Variants in WWOX observed in about 807,000 individuals in gnomAD.
WWOX encodes WW domain-containing oxidoreductase.
In WWOX, 69 loss-of-function variants were observed where a neutral mutation model predicts 46.2. The observed-to-expected ratio is 1.49, with a 90% confidence interval of 1.23 to 1.82. WWOX has a LOEUF of 1.82. Among genes scored for constraint, WWOX ranks in the 40% most tolerant of loss-of-function variants. The probability of loss-of-function intolerance (pLI) is 0.00; values close to 1 mark genes in which losing one functional copy is unlikely to be tolerated. For synonymous variants in WWOX, 359 were observed against 202.6 expected, an observed-to-expected ratio of 1.77 and a Z score of -6.56; for missense variants, 919 against 542.6, an observed-to-expected ratio of 1.69 and a Z score of -6.89.
At chr16:78,202,473 T>C (rs1240740645) in intron 5 of WWOX, among the ~76,000 whole-genome samples, 4 of 152,222 alleles carry the variant, frequency 2.6e-5, no homozygotes, top group South Asian at 2.1e-4. Flanking sequence ...TTTTCAAGAA[T>C]TGAATCTCAA....
chr16:79,024,389 G>C (rs1263008014), intron 8 of WWOX, among the ~76,000 whole-genome samples: 2 of 152,108 alleles, frequency 1.3e-5, no homozygotes, highest in Non-Finnish European at 2.9e-5. Context: ...CTCCTCAGTA[G>C]CTGAGACTAC....
intron 8 of WWOX, among the ~76,000 whole-genome samples, chr16:78,445,243 TC>T (rs1318269714): frequency 6.6e-5 from 10 of 152,290 alleles, no homozygotes; most frequent in Admixed American, 6.5e-4. Flanking sequence ...CCCATCTATT[TC>T]CACAAAGGAT....
chr16:78,486,007 G>C (rs908423372), intron 8 of WWOX, among the ~76,000 whole-genome samples: 1 of 152,186 alleles, frequency 6.6e-6, no homozygotes, highest in African/African-American at 2.4e-5. Context: ...GCTGAAAAGA[G>C]TTTGCTAACT....
chr16:78,720,773 C>T (rs1348093408), intron 8 of WWOX, among the ~76,000 whole-genome samples: 1 of 152,082 alleles, frequency 6.6e-6, no homozygotes, highest in Non-Finnish European at 1.5e-5. Context: ...TATTCTCAAA[C>T]TCTATTATAC....
chr16:78,495,253 G>A (rs1349523038), intron 8 of WWOX, among the ~76,000 whole-genome samples: 1 of 150,082 alleles, frequency 6.7e-6, no homozygotes, highest in African/African-American at 2.5e-5. Flanking sequence ...CGATTCTCCT[G>A]CCTCAGCCTT....
chr16:78,318,052 C>G (rs769573449), intron 5 of WWOX, among the ~76,000 whole-genome samples: 1 of 152,108 alleles, frequency 6.6e-6, no homozygotes. Flanking sequence ...ACAAAAGATC[C>G]AGGCGTAGAA....
intron 8 of WWOX, chr16:78,895,815 C>G (rs371127609): frequency 6.6e-6 from 1 of 152,190 alleles, no homozygotes; most frequent in South Asian, 2.1e-4. Context: ...TGTCAACTGA[C>G]TCACAGTATC....
chr16:79,055,393 A>G (rs1025391268), intron 8 of WWOX, among the ~76,000 whole-genome samples: 11 of 152,102 alleles, frequency 7.2e-5, no homozygotes, highest in Admixed American at 6.6e-5. Context: ...TGCTTGACCA[A>G]TGGAATGTGG....
intron 8 of WWOX, among the ~76,000 whole-genome samples, chr16:78,938,302 C>G (rs897693894): frequency 1.3e-5 from 2 of 152,188 alleles, no homozygotes; most frequent in Non-Finnish European, 1.5e-5. Context: ...CCTTTTCCAA[C>G]TAGGGTGTGG....
At chr16:78,946,524 C>G (rs2045952020) in intron 8 of WWOX, among the ~76,000 whole-genome samples, 1 of 152,096 alleles carries the variant, frequency 6.6e-6, no homozygotes, top group Admixed American at 6.6e-5. Flanking sequence ...CAAGAAGTTT[C>G]TAGATGCACA....
intron 5 of WWOX, among the ~76,000 whole-genome samples, chr16:78,204,420 A>T (rs1223582533): frequency 6.6e-6 from 1 of 151,784 alleles, no homozygotes; most frequent in Non-Finnish European, 1.5e-5. Context: ...CAATCCAGTC[A>T]CTCTTTTAGT....
intron 8 of WWOX, among the ~76,000 whole-genome samples, chr16:78,612,543 A>C (rs2045926105): frequency 6.6e-6 from 1 of 152,352 alleles, no homozygotes; most frequent in Non-Finnish European, 1.5e-5. Flanking sequence ...GTGTACAATC[A>C]GATTTCATTG....
chr16:78,480,755 G>C (rs1212284710), intron 8 of WWOX, among the ~76,000 whole-genome samples: 1 of 152,238 alleles, frequency 6.6e-6, no homozygotes, highest in Non-Finnish European at 1.5e-5. Context: ...TCCCCAGGGA[G>C]AGGGTCCATG....
At chr16:78,763,258 C>T (rs78985151) in intron 8 of WWOX, among the ~76,000 whole-genome samples, 2 of 152,214 alleles carry the variant, frequency 1.3e-5, no homozygotes, top group African/African-American at 4.8e-5. Flanking sequence ...TACCTGCATC[C>T]TGCAAATTTT....
chr16:78,477,168 C>T (rs186625138), intron 8 of WWOX, among the ~76,000 whole-genome samples: 7 of 152,174 alleles, frequency 4.6e-5, no homozygotes, highest in Non-Finnish European at 8.8e-5. Flanking sequence ...TTAGTGTAAT[C>T]GAAGCAGCAA....
chr16:78,645,382 G>A (rs923636856), intron 8 of WWOX, among the ~76,000 whole-genome samples: 53 of 152,136 alleles, frequency 3.5e-4, no homozygotes, highest in Admixed American at 3.0e-3. Context: ...CATTCTGGAG[G>A]TCAAAAGTCC....
In WWOX at chr16:78,543,114, G is replaced by T. The variant is rs373903703; in HGVS notation, c.1056+110362G>T. ...TCATACGACATGTCCAGTGTGGGCT[G>T]GCATGTTCTTCTGCACAGTCCCTGA... On this transcript the variant is annotated intron_variant, in intron 8 of 8. Coordinates refer to ENST00000566780, the MANE Select transcript of WWOX (RefSeq NM_016373.4). Among the ~76,000 whole-genome samples the T allele has an allele frequency of 8.2e-4, 125 of 152,336 alleles. 1 individual carries two copies. Among genetic ancestry groups the T allele is most frequent in the African/African-American group, 2.7e-3 (113 of 41,572 alleles).
intron 8 of WWOX, among the ~76,000 whole-genome samples, chr16:79,050,642 G>A (rs990201029): frequency 6.6e-6 from 1 of 152,152 alleles, no homozygotes; most frequent in Non-Finnish European, 1.5e-5. Context: ...TGCATAAGAA[G>A]CTGCTGAGGA....
chr16:79,093,696 CT>C (rs1258694453), intron 8 of WWOX, among the ~76,000 whole-genome samples: 2 of 152,144 alleles, frequency 1.3e-5, no homozygotes, highest in African/African-American at 4.8e-5. Flanking sequence ...GTGCTTCAGC[CT>C]TTTTGGTAAC....
Sources: gnomAD v4.1 joint callset for allele counts (sites outside exome capture counted in the v4.1 genomes callset) on GRCh38, gnomAD v4.1.1 for gene constraint, MANE v1.5 for transcripts, NCBI Gene and HGNC (gene_info 2026-07-23, HGNC 2026-07-21) for gene names.